NR3C2: variants seen among roughly 807,000 people sequenced by gnomAD.
The protein encoded by NR3C2 is nuclear receptor subfamily 3 group C member 2, also known as mineralocorticoid receptor.
Under a neutral mutation model 86.4 loss-of-function variants are expected in NR3C2, and 15 were observed. The ratio of observed to expected loss-of-function variants is 0.17; its 90% CI spans 0.12 to 0.27. NR3C2 has a LOEUF of 0.27. NR3C2 is among the 10% of genes least tolerant of loss of function. The pLI, the probability that NR3C2 is intolerant of heterozygous loss-of-function variation, is 1.00. For synonymous variants in NR3C2, 458 were observed against 450.5 expected (o/e 1.02, Z -0.21); for missense variants, 960 against 1,195.6 (o/e 0.80, Z 2.91).
intron 2 of NR3C2, among the ~76,000 whole-genome samples, chr4:148,401,616 A>T (rs1748168429): frequency 6.6e-6 from 1 of 151,786 alleles, no homozygotes; most frequent in African/African-American, 2.4e-5. Context: ...GGCACCCGCC[A>T]CCACGCCCGG....
At chr4:148,386,556 T>C (rs567614439) in intron 2 of NR3C2, among the ~76,000 whole-genome samples, 14 of 152,310 alleles carry the variant, frequency 9.2e-5, no homozygotes, top group Middle Eastern at 3.4e-3. Context: ...GGAGGGATCA[T>C]AGTGATGAGT....
rs545301017 is a variant in NR3C2, at chr4:148,376,698, C to G, written c.1757+58406G>C. Among the ~76,000 whole-genome samples the G allele has an allele frequency of 1.2e-4, 18 of 152,202 alleles. No individual in the cohort carries two copies. In the South Asian group the frequency reaches 3.1e-3, roughly 26 times the overall value. ...GTTCTGCCGTCCAAGGGCAGCTAAA[C>G]CTGAAACAAAAGCTTTAACTAAAAT... On this transcript the variant is annotated intron_variant, in intron 2 of 8. Transcript: ENST00000358102.
At chr4:148,113,945 G>A (rs1204957999) in intron 8 of NR3C2, among the ~76,000 whole-genome samples, 159 bp downstream of exon 8, 1 of 152,172 alleles carries the variant, frequency 6.6e-6, no homozygotes, top group Non-Finnish European at 1.5e-5. Context: ...CTGGCTCTGG[G>A]TCTCTTCTTC....
At chr4:148,120,875 A>G (rs1244218068) in intron 6 of NR3C2, among the ~76,000 whole-genome samples, 1 of 152,238 alleles carries the variant, frequency 6.6e-6, no homozygotes, top group Admixed American at 6.5e-5. Flanking sequence ...AAGAGAAAAA[A>G]TGACAAGGGA....
At chr4:148,136,580 A>C (rs918080874) in intron 6 of NR3C2, among the ~76,000 whole-genome samples, 1 of 152,160 alleles carries the variant, frequency 6.6e-6, no homozygotes. Flanking sequence ...CTGGGAGGAC[A>C]GCATGGCCTT....
At chr4:148,205,241 G>A (rs1736944258) in intron 3 of NR3C2, among the ~76,000 whole-genome samples, 1 of 152,212 alleles carries the variant, frequency 6.6e-6, no homozygotes, top group Admixed American at 6.5e-5. Flanking sequence ...ATGTTTGCAA[G>A]AAAAGTATGA....
upstream of NR3C2, chr4:148,444,081 C>T (rs1750481920): frequency 2.0e-6 from 2 of 985,416 alleles, no homozygotes; most frequent in East Asian, 1.1e-4. Flanking sequence ...TCTCCCGGCC[C>T]AGCGAACTGG....
At chr4:148,213,907 G>C (rs2149819330) in intron 3 of NR3C2, among the ~76,000 whole-genome samples, 1 of 152,252 alleles carries the variant, frequency 6.6e-6, no homozygotes, top group South Asian at 2.1e-4. Context: ...TGGTGCAAAT[G>C]GTTCTCCTTG....
chr4:148,198,708 A>AC (rs1249461117), intron 3 of NR3C2, among the ~76,000 whole-genome samples: 2 of 145,150 alleles, frequency 1.4e-5, no homozygotes, highest in African/African-American at 5.1e-5. Context: ...AGAAAGAACT[A>AC]AAAAAAAAAA....
chr4:148,375,248 T>C (rs1334343595), intron 2 of NR3C2, among the ~76,000 whole-genome samples: 1 of 152,016 alleles, frequency 6.6e-6, no homozygotes, highest in Non-Finnish European at 1.5e-5. Flanking sequence ...TTGAGGTCGG[T>C]AGTTCGAAAC....
At chr4:148,413,597 T>C (rs1373177928) in intron 2 of NR3C2, among the ~76,000 whole-genome samples, 2 of 152,082 alleles carry the variant, frequency 1.3e-5, no homozygotes, top group African/African-American at 4.8e-5. Context: ...TAACCAAAAG[T>C]TTAATGCGCA....
chr4:148,236,210 T>G (rs560547163), intron 3 of NR3C2, among the ~76,000 whole-genome samples: 39 of 152,340 alleles, frequency 2.6e-4, no homozygotes, highest in African/African-American at 9.4e-4. Context: ...GATTTTTGGC[T>G]GCTCCACTGT....
upstream of NR3C2, chr4:148,442,673 CATG>C: frequency 6.1e-6 from 6 of 985,416 alleles, no homozygotes; most frequent in South Asian, 2.3e-4. Flanking sequence ...AGGCGGGCGA[CATG>C]ACTGATACAA....
chr4:148,081,154 C>T lies in NR3C2; in HGVS notation c.*190G>A. The T allele has an allele frequency of 2.8e-6, 2 of 716,710 alleles. No homozygotes were observed. The highest frequency in any genetic ancestry group is 4.3e-5 in the Admixed American group (2 of 46,002). 44.4% of individuals were successfully genotyped at this position (716,710 alleles called of 1,614,324 possible). A position where few individuals can be genotyped will look rare whatever the true frequency, so the allele number is the denominator to read the frequency against. ...TGGAGGTGGGGAATCCTTCAGACTG[C>T]TCTGGTCTCGCCAAATCCACGGAAA... On this transcript the variant is annotated 3_prime_UTR_variant, in exon 9 of 9. Coordinates refer to ENST00000358102, the MANE Select transcript of NR3C2 (RefSeq NM_000901.5).
chr4:148,153,354 T>C (rs1256573902), intron 5 of NR3C2, among the ~76,000 whole-genome samples: 1 of 152,090 alleles, frequency 6.6e-6, no homozygotes, highest in African/African-American at 2.4e-5. Flanking sequence ...AATTTTGTAT[T>C]TTTAGTAGAG....
At chr4:148,285,044 C>CA (rs1436127939) in intron 2 of NR3C2, among the ~76,000 whole-genome samples, 3 of 152,162 alleles carry the variant, frequency 2.0e-5, no homozygotes, top group African/African-American at 7.2e-5. Context: ...TCTCTCTGGA[C>CA]TACAGCAACA....
At chr4:148,278,311 A>C (rs1195352675) in intron 2 of NR3C2, among the ~76,000 whole-genome samples, 2 of 151,922 alleles carry the variant, frequency 1.3e-5, no homozygotes, top group Non-Finnish European at 2.9e-5. Context: ...TTTTACCCAG[A>C]CTGGTCTCGA....
chr4:148,132,722 C>A (rs1377873148), intron 6 of NR3C2, among the ~76,000 whole-genome samples: 3 of 152,110 alleles, frequency 2.0e-5, no homozygotes, highest in Admixed American at 6.6e-5. Flanking sequence ...GCAGTCAAAC[C>A]TCACTGAAAA....
intron 3 of NR3C2, among the ~76,000 whole-genome samples, chr4:148,196,229 A>G (rs1243526779): frequency 6.6e-6 from 1 of 152,200 alleles, no homozygotes; most frequent in Non-Finnish European, 1.5e-5. Flanking sequence ...CTAAACAAGT[A>G]GAAAAAGGGG....
Sources: gnomAD v4.1 joint callset for allele counts (sites outside exome capture counted in the v4.1 genomes callset) on GRCh38, gnomAD v4.1.1 for gene constraint, MANE v1.5 for transcripts, NCBI Gene and HGNC (gene_info 2026-07-23, HGNC 2026-07-21) for gene names.